Variants in KIRREL1 observed in about 807,000 individuals in gnomAD.
The protein encoded by KIRREL1 is kin of IRRE-like protein 1.
In KIRREL1, 25 loss-of-function variants were observed where a neutral mutation model predicts 83.3. That is an observed-to-expected ratio of 0.30 (90% confidence interval 0.22 to 0.42). KIRREL1 has a LOEUF of 0.42. Among genes scored for constraint, KIRREL1 ranks in the 10% least tolerant of loss-of-function variants. The pLI, the probability that KIRREL1 is intolerant of heterozygous loss-of-function variation, is 1.00. For missense variants in KIRREL1, 812 were observed against 1,032.3 expected (o/e 0.79, Z 2.92); for synonymous variants, 388 against 410.4 (o/e 0.95, Z 0.66).
chr1:158,068,222 C>A (rs1046717890), intron 1 of KIRREL1, among the ~76,000 whole-genome samples: 6 of 152,162 alleles, frequency 3.9e-5, no homozygotes, highest in African/African-American at 1.4e-4. Context: ...TGATAATAGT[C>A]CTTAAATGTT....
At chr1:158,051,645 CT>C (rs1347947759) in intron 1 of KIRREL1, among the ~76,000 whole-genome samples, 11 of 152,180 alleles carry the variant, frequency 7.2e-5, no homozygotes, top group Non-Finnish European at 2.9e-5. Context: ...TTTAATTCCC[CT>C]CTCTTGCTTA....
intron 1 of KIRREL1, among the ~76,000 whole-genome samples, chr1:158,050,406 A>T (rs551043409): frequency 6.6e-6 from 1 of 152,060 alleles, no homozygotes; most frequent in Non-Finnish European, 1.5e-5. Flanking sequence ...CAGTAAAGCC[A>T]GAATTGTAAC....
Position 158,087,812 on chromosome 1 carries a change from T to C in KIRREL1, c.719T>C (p.Val240Ala), listed in dbSNP as rs1208548667. The change falls in exon 6 of 15, where the codon GTT becomes GCT. Residue 240 changes from valine to alanine, a missense_variant. Around this residue, in one of 3 missense-constraint regions of KIRREL1, gnomAD observed 472 missense variants for 626.8 expected, o/e 0.75. Transcript: ENST00000359209. ...EPQTVQEGER[V>A]VFTCQATANP... is the part of the protein sequence containing the mutation. ...CAGACGGTGCAGGAGGGTGAGCGTG[T>C]TGTCTTTACCTGCCAGGCCACAGCC... 6.2e-7 allele frequency: 1 copy of C among 1,614,004 alleles called. No homozygotes were observed. The highest frequency in any genetic ancestry group is 8.5e-7 in the Non-Finnish European group (1 of 1,179,988).
At chr1:158,077,807 C>T (rs183097576) in intron 2 of KIRREL1, among the ~76,000 whole-genome samples, 184 bp from the exon 3 acceptor site, 287 of 152,320 alleles carry the variant, frequency 1.9e-3, no homozygotes, top group African/African-American at 6.6e-3. Flanking sequence ...CTGTCTGCTC[C>T]TCCAGCTGTA....
At position 158,095,182 on chromosome 1, in the gene KIRREL1, C is replaced by T; in HGVS notation, c.*62C>T. ...AGGAGAAGGCTTTCACAGCTGTTCC[C>T]TGATATTCAGGGGCATTGCTCATTG... On this transcript the variant is annotated 3_prime_UTR_variant, in exon 15 of 15. Transcript: ENST00000359209. The T allele has an allele frequency of 8.3e-7, 1 of 1,206,790 alleles. No homozygotes were observed. Among genetic ancestry groups the T allele is most frequent in the African/African-American group, 1.5e-5 (1 of 66,440 alleles). The allele number at this position is 1,206,790 out of a possible 1,614,324, so 74.8% of individuals were successfully genotyped here.
In KIRREL1 at chr1:158,096,286, A is replaced by G. The variant is rs534547609; in HGVS notation, c.*1166A>G. On this transcript the variant is annotated 3_prime_UTR_variant, in exon 15 of 15. Coordinates refer to ENST00000359209, the MANE Select transcript of KIRREL1 (RefSeq NM_018240.7). ...GGGTTACGGAGGGGGCCTGGCTCTC[A>G]GTCTCTACTCTCCTATGTCCCATCA... 4.9e-4 allele frequency: 148 copies of G among 303,324 alleles called. No homozygotes were observed. Among genetic ancestry groups the G allele is most frequent in the African/African-American group, 3.0e-3 (140 of 45,994 alleles). 18.8% of individuals were successfully genotyped at this position (303,324 alleles called of 1,614,324 possible). A position where few individuals can be genotyped will look rare whatever the true frequency, so the allele number is the denominator to read the frequency against.
intron 1 of KIRREL1, among the ~76,000 whole-genome samples, chr1:158,040,688 A>G (rs1660599521): frequency 6.6e-6 from 1 of 152,246 alleles, no homozygotes; most frequent in African/African-American, 2.4e-5. Flanking sequence ...GGGGAAAAAC[A>G]TTTCAGAAAA....
At chr1:158,015,181 T>C (rs1051925888) in intron 1 of KIRREL1, among the ~76,000 whole-genome samples, 9 of 152,228 alleles carry the variant, frequency 5.9e-5, no homozygotes, top group Admixed American at 1.3e-4. Context: ...AATAATCTTT[T>C]GAGTCCTGCC....
chr1:158,050,462 C>T (rs372102389), intron 1 of KIRREL1, among the ~76,000 whole-genome samples: 1 of 152,086 alleles, frequency 6.6e-6, no homozygotes, highest in African/African-American at 2.4e-5. Context: ...TCACTCCCCC[C>T]TTTCCTCCCA....
Position 158,020,170 on chromosome 1 carries a change from C to T in KIRREL1, c.52+26442C>T, listed in dbSNP as rs537998526. On this transcript the variant is annotated intron_variant, in intron 1 of 14. Coordinates refer to ENST00000359209, the MANE Select transcript of KIRREL1 (RefSeq NM_018240.7). ...GGTCTCTCTCTTTCTGAGCTCTCCT[C>T]CCAGAGCACCTGGTCAGGATATCCC... Among the ~76,000 whole-genome samples, 7 of 152,186 alleles carry T rather than the reference C, an allele frequency of 4.6e-5. 1 individual carries two copies. The South Asian group carries it at 1.5e-3, about 32-fold the overall frequency.
At chr1:158,075,443 C>T (rs185506823) in intron 1 of KIRREL1, among the ~76,000 whole-genome samples, 1 of 152,336 alleles carries the variant, frequency 6.6e-6, no homozygotes, top group East Asian at 1.9e-4. Context: ...GAAGGATGAA[C>T]ACACAGAGCA....
chr1:158,006,615 G>A (rs1214312477), intron 1 of KIRREL1, among the ~76,000 whole-genome samples: 2 of 152,208 alleles, frequency 1.3e-5, no homozygotes, highest in South Asian at 4.1e-4. Flanking sequence ...CCCCAGCCAG[G>A]ACCAGGAGAA....
In KIRREL1 at chr1:158,095,619, C is replaced by T. The variant is rs555556939; in HGVS notation, c.*499C>T. The T allele has an allele frequency of 6.5e-6, 1 of 154,564 alleles. No homozygotes were observed. Among genetic ancestry groups the T allele is most frequent in the Non-Finnish European group, 1.4e-5 (1 of 69,848 alleles). 9.6% of individuals were successfully genotyped at this position (154,564 alleles called of 1,614,324 possible). On this transcript the variant is annotated 3_prime_UTR_variant, in exon 15 of 15. Coordinates refer to ENST00000359209, the MANE Select transcript of KIRREL1 (RefSeq NM_018240.7). ...CATTCGTGCCCTGGGTGCCTCTCTC[C>T]TTCCTCAGGGTACTGCAGAAGGGAG...
chr1:158,072,632 G>A (rs939059104), intron 1 of KIRREL1, among the ~76,000 whole-genome samples: 1 of 152,042 alleles, frequency 6.6e-6, no homozygotes, highest in Non-Finnish European at 1.5e-5. Context: ...CTGTGCAAGG[G>A]CATGAAGAGG....
chr1:158,074,521 A>C (rs2101622667), intron 1 of KIRREL1, among the ~76,000 whole-genome samples: 1 of 152,280 alleles, frequency 6.6e-6, no homozygotes. Context: ...GTCCTCACCT[A>C]CTAGTTGCCC....
Position 158,086,760 on chromosome 1 carries a change from G to A in KIRREL1, c.661+14G>A, listed in dbSNP as rs1662028419. On this transcript the variant is annotated intron_variant, in intron 5 of 14. Coordinates refer to ENST00000359209, the MANE Select transcript of KIRREL1 (RefSeq NM_018240.7). ...TGGATGTGCACCGTGAGTGGGCTGG[G>A]GGGAGCAGTCTGGAGCAGGGGGGTG... The A allele has an allele frequency of 1.9e-6, 3 of 1,549,832 alleles. No individual in the cohort carries two copies. Among genetic ancestry groups the A allele is most frequent in the South Asian group, 2.4e-5 (2 of 84,004 alleles).
At chr1:158,035,287 G>A (rs1020010983) in intron 1 of KIRREL1, among the ~76,000 whole-genome samples, 1 of 152,222 alleles carries the variant, frequency 6.6e-6, no homozygotes, top group African/African-American at 2.4e-5. Context: ...GAGTGTAGTA[G>A]AGAAGTGAGG....
intron 1 of KIRREL1, among the ~76,000 whole-genome samples, chr1:158,040,260 A>G (rs1660589517): frequency 6.6e-6 from 1 of 152,212 alleles, no homozygotes; most frequent in Non-Finnish European, 1.5e-5. Context: ...TATAAGTAAG[A>G]ACCAGCCTCT....
chr1:158,066,318 G>A (rs1348989336), intron 1 of KIRREL1, among the ~76,000 whole-genome samples: 3 of 151,904 alleles, frequency 2.0e-5, no homozygotes, highest in Non-Finnish European at 4.4e-5. Context: ...CCCCTTGCTT[G>A]TCTCTCTGTC....
Sources: allele counts gnomAD v4.1 joint callset (sites outside exome capture counted in the v4.1 genomes callset), GRCh38; gene constraint gnomAD v4.1.1; regional missense constraint gnomAD v4.1.1; transcripts MANE v1.5; gene names NCBI Gene and HGNC (gene_info 2026-07-23, HGNC 2026-07-21).